The following DDX59 variants were observed in gnomAD, a reference collection of about 807,000 sequenced individuals.
DDX59 encodes probable ATP-dependent RNA helicase DDX59.
In DDX59, 30 loss-of-function variants were observed where a neutral mutation model predicts 51.9. The observed-to-expected ratio is 0.58, with a 90% CI of 0.43 to 0.78. DDX59 has a LOEUF of 0.78. DDX59 is among the 30% of genes least tolerant of loss of function. DDX59 has a pLI of 0.00. For synonymous variants in DDX59, 255 were observed against 253.3 expected (o/e 1.01, Z -0.06); for missense variants, 672 against 730.8 (o/e 0.92, Z 0.93).
intron 7 of DDX59, 146 bp downstream of exon 7, chr1:200,648,293 C>T (rs907078452): frequency 3.7e-6 from 4 of 1,080,336 alleles, no homozygotes; most frequent in Non-Finnish European, 5.2e-6. Flanking sequence ...GTGATCTGCC[C>T]GCGATGGCCT....
chr1:200,662,129 C>A (rs761055426), intron 3 of DDX59, among the ~76,000 whole-genome samples: 1 of 152,178 alleles, frequency 6.6e-6, no homozygotes, highest in African/African-American at 2.4e-5. Flanking sequence ...GAACCATGAG[C>A]CAATTAAAGT....
At chr1:200,661,607 GA>G (rs1662378350) in intron 3 of DDX59, among the ~76,000 whole-genome samples, 2 of 152,026 alleles carry the variant, frequency 1.3e-5, no homozygotes, top group Admixed American at 1.3e-4. Context: ...AGATTATGAG[GA>G]AAAAAGGAAA....
downstream of DDX59, among the ~76,000 whole-genome samples, chr1:200,642,636 CAG>C (rs1441044498): frequency 5.0e-4 from 76 of 152,284 alleles, no homozygotes; most frequent in Middle Eastern, 3.4e-3. Flanking sequence ...AGTCAAGATT[CAG>C]AGAGGCAGGA....
chr1:200,649,297 G>A (rs561167782), intron 5 of DDX59, 71 bp from the exon 6 acceptor site: 3 of 1,362,048 alleles, frequency 2.2e-6, no homozygotes, highest in African/African-American at 3.0e-5. Flanking sequence ...TTTTCTGAAA[G>A]ATTATCACAA....
intron 5 of DDX59, among the ~76,000 whole-genome samples, chr1:200,649,489 C>A (rs1431168746): frequency 6.6e-6 from 1 of 151,714 alleles, no homozygotes; most frequent in Non-Finnish European, 1.5e-5. Context: ...ATTAGCCACG[C>A]ATGGTGGCAG....
chr1:200,655,422 C>T (rs1049831844), intron 4 of DDX59, among the ~76,000 whole-genome samples: 1 of 152,178 alleles, frequency 6.6e-6, no homozygotes, highest in Admixed American at 6.5e-5. Flanking sequence ...TCCTGTATCA[C>T]GCAGCAGGGT....
intron 4 of DDX59, among the ~76,000 whole-genome samples, chr1:200,658,127 G>A (rs528211263): frequency 3.3e-4 from 50 of 152,278 alleles, no homozygotes; most frequent in Middle Eastern, 6.8e-3. Flanking sequence ...CCAGCACCAC[G>A]CATTTGTGAT....
intron 1 of DDX59, among the ~76,000 whole-genome samples, chr1:200,668,245 T>C (rs931302744): frequency 6.6e-6 from 1 of 151,820 alleles, no homozygotes; most frequent in African/African-American, 2.4e-5. Flanking sequence ...GAAGCGGAGC[T>C]TGCAGTGAGC....
chr1:200,663,683 T>C (rs1662519453), intron 3 of DDX59, among the ~76,000 whole-genome samples: 1 of 151,766 alleles, frequency 6.6e-6, no homozygotes, highest in Non-Finnish European at 1.5e-5. Flanking sequence ...AATGAGATAA[T>C]GCATGTCAGA....
At chr1:200,651,791 G>A (rs1661676890) in intron 4 of DDX59, among the ~76,000 whole-genome samples, 2 of 152,044 alleles carry the variant, frequency 1.3e-5, no homozygotes, top group Admixed American at 6.5e-5. Flanking sequence ...GGTGGATCAC[G>A]AGGTCAGGAG....
At chr1:200,653,450 C>T (rs1265768320) in intron 4 of DDX59, among the ~76,000 whole-genome samples, 1 of 152,176 alleles carries the variant, frequency 6.6e-6, no homozygotes, top group Non-Finnish European at 1.5e-5. Context: ...GAGCTGGTCG[C>T]TTCTCCCAAC....
downstream of DDX59, among the ~76,000 whole-genome samples, chr1:200,641,648 C>T (rs1467963884): frequency 6.6e-6 from 1 of 152,202 alleles, no homozygotes; most frequent in Non-Finnish European, 1.5e-5. Context: ...GTGGGCGGAT[C>T]ACCTGAGGTC....
intron 3 of DDX59, among the ~76,000 whole-genome samples, chr1:200,660,406 G>A (rs1298067238): frequency 2.0e-5 from 3 of 152,106 alleles, no homozygotes; most frequent in African/African-American, 7.2e-5. Flanking sequence ...CTGGTGAGAG[G>A]GGTGGGAGTG....
chr1:200,660,176 C>A (rs1038598755), intron 3 of DDX59, among the ~76,000 whole-genome samples: 2 of 152,152 alleles, frequency 1.3e-5, no homozygotes, highest in African/African-American at 2.4e-5. Flanking sequence ...TCCTTGGCCA[C>A]CATTATTTCT....
At position 200,666,079 on chromosome 1, in the gene DDX59, G is replaced by A. The variant is rs1163302032; in HGVS notation, c.662C>T (p.Ser221Leu). 6.2e-7 allele frequency: 1 copy of A among 1,614,174 alleles called. No homozygotes were observed. The highest frequency in any genetic ancestry group is 1.7e-5 in the Admixed American group (1 of 60,022). ...PEVLNHNLKK[S>L]GYEVPTPIQM... ...AATGGGAGTTGGCACCTCATAGCCT[G>A]ATTTCTTCAAGTTGTGATTTAAGAC... The change falls in exon 2 of 8, where the codon TCA (serine) becomes TTA (leucine). Residue 221 changes from serine (S) to leucine (L), a missense_variant. Coordinates refer to ENST00000331314, the MANE Select transcript of DDX59 (RefSeq NM_001031725.6).
chr1:200,648,868 T>C (rs1369661187), intron 6 of DDX59, among the ~76,000 whole-genome samples: 1 of 152,196 alleles, frequency 6.6e-6, no homozygotes, highest in Non-Finnish European at 1.5e-5. Flanking sequence ...ATCTATTTAG[T>C]ATATATTCCC....
chr1:200,656,767 G>A (rs1025698361), intron 4 of DDX59, among the ~76,000 whole-genome samples: 7 of 152,162 alleles, frequency 4.6e-5, no homozygotes, highest in African/African-American at 1.4e-4. Context: ...GAGAAGTGAG[G>A]ATGAGGCCAA....
rs771443325 is a variant in DDX59 at position 200,666,509 on chromosome 1, C to T, written c.232G>A (p.Glu78Lys). The change falls in exon 2 of 8, where the codon GAG (glutamate) becomes AAG (lysine). Residue 78 changes from glutamate (E) to lysine (K), a missense_variant. By Grantham distance (56) the Glu-to-Lys change is moderately conservative (BLOSUM62 1). Transcript: ENST00000331314. ...QLAEVHSVSP[E>K]QGAKDSHPSE... ...GGATGGCTGTCCTTCGCACCCTGCT[C>T]GGGACTTACTGAATGAACCTCTGCC... is the stretch of plus-strand genomic sequence containing the variant. 7 of 1,614,032 alleles carry T rather than the reference C, an allele frequency of 4.3e-6. No individual in the cohort carries two copies. Among genetic ancestry groups the T allele is most frequent in the Admixed American group, 3.3e-5 (2 of 59,994 alleles).
chr1:200,644,126 TTATA>T lies in DDX59; in HGVS notation c.*124_*127del. The T allele has an allele frequency of 4.2e-6, 3 of 719,310 alleles. No homozygotes were observed. The highest frequency in any genetic ancestry group is 5.5e-6 in the Non-Finnish European group (3 of 546,446). The allele number at this position is 719,310 out of a possible 1,614,324, so 44.6% of individuals were successfully genotyped here. A position where few individuals can be genotyped will look rare whatever the true frequency, so the allele number is the denominator to read the frequency against. On this transcript the variant is annotated 3_prime_UTR_variant, in exon 8 of 8. Transcript: ENST00000331314. ...ATTAAGGGAAATAAATACAATATAG[TTATA>T]TAAATTTTATTAAATTAAAAATATC...
Sources: allele counts gnomAD v4.1 joint callset (sites outside exome capture counted in the v4.1 genomes callset), GRCh38; gene constraint gnomAD v4.1.1; transcripts MANE v1.5; gene names NCBI Gene and HGNC (gene_info 2026-07-23, HGNC 2026-07-21).